The following MTMR1 variants were observed in gnomAD, a reference collection of about 807,000 sequenced individuals.
MTMR1 encodes phosphatidylinositol-3-phosphate phosphatase MTMR1.
Under a neutral mutation model 51.6 loss-of-function variants are expected in MTMR1, and 17 were observed. The ratio of observed to expected loss-of-function variants is 0.33; its 90% confidence interval spans 0.23 to 0.49. The LOEUF is 0.49. Ranked by LOEUF, MTMR1 falls within the 20% of genes least tolerant of loss-of-function variation. The probability of loss-of-function intolerance (pLI) is 0.99; values close to 1 mark genes in which losing one functional copy is unlikely to be tolerated. For synonymous variants in MTMR1, 201 were observed against 205.6 expected (o/e 0.98, Z 0.19); for missense variants, 386 against 526.9 (o/e 0.73, Z 2.62).
At chrX:150,710,679 T>C (rs2041278012) in intron 2 of MTMR1, among the ~76,000 whole-genome samples, 1 of 112,580 alleles carries the variant, frequency 8.9e-6, no homozygotes, top group Admixed American at 9.4e-5. Context: ...TTTTATCTTA[T>C]AAGGTTGTTC....
intron 4 of MTMR1, among the ~76,000 whole-genome samples, chrX:150,721,881 T>C (rs2041762496): frequency 8.9e-6 from 1 of 111,763 alleles, no homozygotes; most frequent in Admixed American, 9.5e-5. Flanking sequence ...TTTTCTAGTA[T>C]AGGCATTTAG....
At chrX:150,714,560 A>G (rs1557416340) in intron 3 of MTMR1, 1 of 953,602 alleles carries the variant, frequency 1.0e-6, no homozygotes, top group African/African-American at 2.0e-5. Context: ...ATCTGTTTGT[A>G]GCTACAGATC....
At chrX:150,694,167 G>C (rs1166822684) in intron 1 of MTMR1, among the ~76,000 whole-genome samples, 2 of 111,463 alleles carry the variant, frequency 1.8e-5, no homozygotes, top group Admixed American at 1.9e-4. Flanking sequence ...ATGGGACCCC[G>C]CGGGCGTGGG....
At chrX:150,702,777 G>A (rs1220771495) in intron 2 of MTMR1, among the ~76,000 whole-genome samples, 1 of 111,818 alleles carries the variant, frequency 8.9e-6, no homozygotes, top group African/African-American at 3.3e-5. Context: ...ATGGGCAGTT[G>A]GCAGATACAG....
At chrX:150,709,796 C>T (rs2041245037) in intron 2 of MTMR1, among the ~76,000 whole-genome samples, 1 of 111,257 alleles carries the variant, frequency 9.0e-6, no homozygotes, top group Non-Finnish European at 1.9e-5. Flanking sequence ...CAGCGCCCAG[C>T]CATGAAAGAT....
At chrX:150,759,451 ATGCCTGATCTGGAG>A (rs2148679931) in intron 15 of MTMR1, among the ~76,000 whole-genome samples, 1 of 109,983 alleles carries the variant, frequency 9.1e-6, no homozygotes, top group East Asian at 2.8e-4. Flanking sequence ...CAACAGAACC[ATGCCTGATCTGGAG>A]TGCCTTTGGC....
chrX:150,703,489 C>A (rs901097530), intron 2 of MTMR1, among the ~76,000 whole-genome samples: 1 of 112,031 alleles, frequency 8.9e-6, no homozygotes, highest in Non-Finnish European at 1.9e-5. Flanking sequence ...CCTTCCCTCA[C>A]CCACACACAC....
At chrX:150,761,715 CCTCA>C (rs2043138487) in intron 15 of MTMR1, among the ~76,000 whole-genome samples, 1 of 112,171 alleles carries the variant, frequency 8.9e-6, no homozygotes, top group Admixed American at 9.3e-5. Flanking sequence ...GTCGGTGACC[CCTCA>C]CTCTGGTCAG....
intron 3 of MTMR1, chrX:150,712,681 G>T (rs2041354624): frequency 3.9e-6 from 1 of 253,210 alleles, no homozygotes; most frequent in Non-Finnish European, 7.1e-6. Context: ...TAAGGCTGGG[G>T]CTACTGAGGT....
chrX:150,744,476 C>G (rs2042521570), intron 13 of MTMR1, 23 bp downstream of exon 13: 1 of 1,095,498 alleles, frequency 9.1e-7, no homozygotes, highest in African/African-American at 1.8e-5. Flanking sequence ...AAGTATATTT[C>G]TATATAGTCT....
Position 150,720,478 on chromosome X carries a change from G to T in MTMR1, c.352+1778G>T, listed in dbSNP as rs782041160. Among the ~76,000 whole-genome samples the T allele has an allele frequency of 3.6e-5, 4 of 111,703 alleles. No individual in the cohort carries two copies. The South Asian group carries it at 1.5e-3, about 42-fold the overall frequency. On this transcript the variant is annotated intron_variant, in intron 4 of 15. Coordinates refer to ENST00000445323, the MANE Select transcript of MTMR1 (RefSeq NM_001306144.3). ...TTAACAGTCATTCTTTTTTATTGCT[G>T]GATAGAATTCCATTATATGGCTACA...
rs200100741 is a variant in MTMR1, at chrX:150,762,656, G to A, written c.1949G>A (p.Arg650His). The A allele has an allele frequency of 9.5e-5, 115 of 1,208,233 alleles. No individual in the cohort carries two copies. Among genetic ancestry groups the A allele is most frequent in the Non-Finnish European group, 1.2e-4 (108 of 894,377 alleles). The stretch of plus-strand genomic sequence containing the variant: ...GGCCTACAGCGGGAGGTGGCCACGC[G>A]CGCCGTCTCATCCTCATCTGAGCGG... Reference protein sequence around the residue: ...VEGLQREVATRAVSSSSERGS... With the variant: ...VEGLQREVATHAVSSSSERGS... The change falls in exon 16 of 16, where the codon CGC (arginine) becomes CAC (histidine). Residue 650 changes from arginine to histidine, a missense_variant. Transcript: ENST00000445323.
At chrX:150,727,082 A>T (rs994043652) in intron 4 of MTMR1, 133 bp from the exon 5 acceptor site, 24 of 396,560 alleles carry the variant, frequency 6.1e-5, no homozygotes, top group Non-Finnish European at 2.2e-5. Context: ...GAAAGTCATA[A>T]TTGATATAAT....
At chrX:150,740,371 C>G (rs1316821367) in intron 12 of MTMR1, among the ~76,000 whole-genome samples, 1 of 111,868 alleles carries the variant, frequency 8.9e-6, no homozygotes, top group African/African-American at 3.3e-5. Context: ...CAAACACTTT[C>G]TTCATTCGGC....
At chrX:150,696,084 C>T (rs958174756) in intron 1 of MTMR1, among the ~76,000 whole-genome samples, 4 of 111,496 alleles carry the variant, frequency 3.6e-5, no homozygotes, top group African/African-American at 1.3e-4. Context: ...GTTGAATTGG[C>T]AGGGTCTCTG....
intron 13 of MTMR1, among the ~76,000 whole-genome samples, chrX:150,748,759 C>T (rs924833268): frequency 2.7e-5 from 3 of 110,709 alleles, no homozygotes; most frequent in African/African-American, 9.9e-5. Flanking sequence ...GAGCCTGGGA[C>T]GTTGAGGCTG....
intron 2 of MTMR1, among the ~76,000 whole-genome samples, chrX:150,708,176 T>C (rs1557416121): frequency 8.9e-6 from 1 of 111,887 alleles, no homozygotes; most frequent in African/African-American, 3.3e-5. Flanking sequence ...GCCAATATCC[T>C]GGTTCTGATA....
rs2040576495 is a variant in MTMR1, at chrX:150,693,896, T to A, written c.146+220T>A. ...TCGGACCTGCTGCGGGCCGCGCACC[T>A]GGCTCACTTCCGCCCCGAGAGCCCC... On this transcript the variant is annotated intron_variant, in intron 1 of 15. Transcript: ENST00000445323. 3.8e-5 allele frequency among the ~76,000 whole-genome samples: 4 copies of A among 105,701 alleles called. No homozygotes were observed. In the South Asian group the frequency reaches 1.8e-3, roughly 47 times the overall value. 91.8% of individuals were successfully genotyped at this position (105,701 alleles called of 115,157 possible). A position where few individuals can be genotyped will look rare whatever the true frequency, so the allele number is the denominator to read the frequency against.
intron 2 of MTMR1, among the ~76,000 whole-genome samples, chrX:150,701,489 A>T (rs2040904778): frequency 8.9e-6 from 1 of 112,454 alleles, no homozygotes; most frequent in South Asian, 3.6e-4. Context: ...TAAACTCAAC[A>T]TCAGTAATTA....
Sources: gnomAD v4.1 joint callset for allele counts (sites outside exome capture counted in the v4.1 genomes callset) on GRCh38, gnomAD v4.1.1 for gene constraint, MANE v1.5 for transcripts, NCBI Gene and HGNC (gene_info 2026-07-23, HGNC 2026-07-21) for gene names.